Variants in TMEM200A observed in about 807,000 individuals in gnomAD.
TMEM200A encodes the protein transmembrane protein 200A, also known as two transmembrane C.
In TMEM200A, 12 loss-of-function variants were observed where a neutral mutation model predicts 24.3. That is an observed-to-expected ratio of 0.49 (90% CI 0.32 to 0.80). The LOEUF is 0.80. TMEM200A is among the 30% of genes least tolerant of loss of function. The pLI, the probability that TMEM200A is intolerant of heterozygous loss-of-function variation, is 0.04. For synonymous variants in TMEM200A, 224 were observed against 224.4 expected (o/e 1.00, Z 0.02); for missense variants, 545 against 614.4 (o/e 0.89, Z 1.19).
chr6:130,373,906 A>C (rs1186587801), intron 1 of TMEM200A, among the ~76,000 whole-genome samples: 1 of 152,170 alleles, frequency 6.6e-6, no homozygotes, highest in Non-Finnish European at 1.5e-5. Context: ...TAAAAAAGCC[A>C]CCATTTTGAA....
At chr6:130,420,904 G>C (rs1196980532) in intron 2 of TMEM200A, among the ~76,000 whole-genome samples, 1 of 152,012 alleles carries the variant, frequency 6.6e-6, no homozygotes, top group Non-Finnish European at 1.5e-5. Context: ...GTGACCACTG[G>C]GCAAGCACCA....
intron 2 of TMEM200A, among the ~76,000 whole-genome samples, chr6:130,418,159 T>G (rs1260550050): frequency 2.0e-5 from 3 of 152,046 alleles, no homozygotes; most frequent in Admixed American, 6.6e-5. Flanking sequence ...TAGATAAGCT[T>G]CTTAAGGAAA....
intron 2 of TMEM200A, among the ~76,000 whole-genome samples, chr6:130,411,941 CGTTT>C (rs768639597): frequency 8.4e-4 from 128 of 152,088 alleles, no homozygotes; most frequent in African/African-American, 2.9e-3. Flanking sequence ...TCAATGTATA[CGTTT>C]GTTTGTTTAT....
chr6:130,382,124 C>T (rs971414511), intron 1 of TMEM200A: 5 of 271,680 alleles, frequency 1.8e-5, no homozygotes, highest in African/African-American at 1.1e-4. Flanking sequence ...AGCATTACTA[C>T]CTAAGAGCTA....
intron 2 of TMEM200A, among the ~76,000 whole-genome samples, chr6:130,412,057 C>T (rs1779342219): frequency 6.7e-6 from 1 of 148,528 alleles, no homozygotes; most frequent in African/African-American, 2.5e-5. Flanking sequence ...CTCATTCAAG[C>T]CTTTTTGACA....
intron 2 of TMEM200A, among the ~76,000 whole-genome samples, chr6:130,393,911 C>A (rs1216349291): frequency 6.6e-6 from 1 of 152,176 alleles, no homozygotes; most frequent in Non-Finnish European, 1.5e-5. Context: ...TTATTGGAAT[C>A]TCATCCCACC....
intron 2 of TMEM200A, among the ~76,000 whole-genome samples, chr6:130,415,963 CT>C (rs1442971165): frequency 6.6e-6 from 1 of 151,938 alleles, no homozygotes; most frequent in East Asian, 1.9e-4. Flanking sequence ...AATATTGTGG[CT>C]TTTTTTCTTT....
Position 130,440,278 on chromosome 6 carries a change from T to G in TMEM200A, c.-16-129T>G, listed in dbSNP as rs1232547761. On this transcript the variant is annotated intron_variant, in intron 2 of 2. Coordinates refer to ENST00000296978, the MANE Select transcript of TMEM200A (RefSeq NM_001258277.2). ...AACTATGTCAATTAAAAAAATATTCTGCCCCATTTAATCACATGAAACTGC... is the reference window on the plus strand; with the variant it reads ...AACTATGTCAATTAAAAAAATATTCGGCCCCATTTAATCACATGAAACTGC... 4.6e-6 allele frequency: 4 copies of G among 871,354 alleles called. No homozygotes were observed. In the African/African-American group the frequency reaches 6.9e-5, roughly 15 times the overall value. 54.0% of individuals were successfully genotyped at this position (871,354 alleles called of 1,614,324 possible).
At chr6:130,414,778 A>G (rs933386765) in intron 2 of TMEM200A, among the ~76,000 whole-genome samples, 1 of 152,206 alleles carries the variant, frequency 6.6e-6, no homozygotes. Context: ...TTTGAAGCAT[A>G]CTATGTGTCA....
At chr6:130,383,964 CA>C (rs1170497671) in intron 1 of TMEM200A, among the ~76,000 whole-genome samples, 1 of 151,994 alleles carries the variant, frequency 6.6e-6, no homozygotes, top group Non-Finnish European at 1.5e-5. Flanking sequence ...ACTAAAAATA[CA>C]AAAAATTAGC....
intron 2 of TMEM200A, chr6:130,439,161 G>T (rs987916281): frequency 3.9e-5 from 6 of 152,180 alleles, no homozygotes; most frequent in Admixed American, 3.9e-4. Flanking sequence ...TCATTATTCT[G>T]CTCTTTAAAC....
intron 1 of TMEM200A, among the ~76,000 whole-genome samples, 169 bp from the exon 2 acceptor site, chr6:130,385,004 A>G (rs904822703): frequency 1.3e-5 from 2 of 152,338 alleles, no homozygotes; most frequent in Non-Finnish European, 1.5e-5. Context: ...GAAACACATG[A>G]CCATTCAGTC....
Position 130,441,906 on chromosome 6 carries a change from A to C in TMEM200A, c.*8A>C, listed in dbSNP as rs1343734161. On this transcript the variant is annotated 3_prime_UTR_variant, in exon 3 of 3. Coordinates refer to ENST00000296978, the MANE Select transcript of TMEM200A (RefSeq NM_001258277.2). ...TCTGAAACAAGGTTTTAATGTTAAA[A>C]GAATATATCATTTTACAAGGGTATA... 3 of 1,580,626 alleles carry C rather than the reference A, an allele frequency of 1.9e-6. No individual in the cohort carries two copies. The highest frequency in any genetic ancestry group is 2.4e-5 in the South Asian group (2 of 84,522).
In TMEM200A at chr6:130,442,579, T is replaced by C. The variant is rs1351752683; in HGVS notation, c.*681T>C. The C allele has an allele frequency of 6.0e-6, 1 of 166,850 alleles. No individual in the cohort carries two copies. Among genetic ancestry groups the C allele is most frequent in the Admixed American group, 6.5e-5 (1 of 15,280 alleles). 10.3% of individuals were successfully genotyped at this position (166,850 alleles called of 1,614,324 possible). A position where few individuals can be genotyped will look rare whatever the true frequency, so the allele number is the denominator to read the frequency against. On this transcript the variant is annotated 3_prime_UTR_variant, in exon 3 of 3. Transcript: ENST00000296978. ...AGGGATAAACATCAAAATGCAATTA[T>C]AGTTGCTATAACGTTAGATACTCGG...
intron 2 of TMEM200A, among the ~76,000 whole-genome samples, chr6:130,431,686 T>G (rs900369020): frequency 1.3e-5 from 2 of 152,182 alleles, no homozygotes; most frequent in Non-Finnish European, 2.9e-5. Context: ...TGGAGACTTC[T>G]GTATTCTACG....
intron 2 of TMEM200A, among the ~76,000 whole-genome samples, chr6:130,420,838 C>T (rs1779565059): frequency 6.6e-6 from 1 of 152,020 alleles, no homozygotes; most frequent in South Asian, 2.1e-4. Flanking sequence ...TGAAATCCCA[C>T]GCTTGTTGTC....
At chr6:130,388,193 T>C (rs1315421151) in intron 2 of TMEM200A, among the ~76,000 whole-genome samples, 1 of 152,172 alleles carries the variant, frequency 6.6e-6, no homozygotes, top group Non-Finnish European at 1.5e-5. Flanking sequence ...AGGCAAGCAA[T>C]AAGGCTTGAT....
chr6:130,388,276 A>T (rs531413903), intron 2 of TMEM200A, among the ~76,000 whole-genome samples: 50 of 152,348 alleles, frequency 3.3e-4, no homozygotes, highest in African/African-American at 1.2e-3. Context: ...TGGCTTTCAG[A>T]TGCTGTAGGA....
chr6:130,425,949 T>TAA (rs140755272), intron 2 of TMEM200A, among the ~76,000 whole-genome samples: 2,780 of 152,272 alleles, frequency 0.018, 23 homozygotes, highest in Non-Finnish European at 0.027. Flanking sequence ...AAACAAATGC[T>TAA]AATTATTTAT....
Sources: gnomAD v4.1 joint callset for allele counts (sites outside exome capture counted in the v4.1 genomes callset) on GRCh38, gnomAD v4.1.1 for gene constraint, MANE v1.5 for transcripts, NCBI Gene and HGNC (gene_info 2026-07-23, HGNC 2026-07-21) for gene names.